The following SCN9A variants were observed in gnomAD, a reference collection of about 807,000 sequenced individuals.
The protein encoded by SCN9A is sodium voltage-gated channel alpha subunit 9, also known as sodium channel protein type 9 subunit alpha.
In SCN9A, 131 loss-of-function variants were observed where a neutral mutation model predicts 187.0. That is an observed-to-expected ratio of 0.70 (90% CI 0.61 to 0.81). The LOEUF (loss-of-function observed/expected upper bound fraction) is 0.81. SCN9A is among the 30% of genes least tolerant of loss of function. The pLI, the probability that SCN9A is intolerant of heterozygous loss-of-function variation, is 0.00. For missense variants in SCN9A, 2,252 were observed against 2,396.6 expected (o/e 0.94, Z 1.26); for synonymous variants, 809 against 808.6 (o/e 1.00, Z -0.01).
Position 166,233,449 on chromosome 2 carries a change from G to T in SCN9A, c.3815C>A (p.Thr1272Asn), listed in dbSNP as rs1343193001. 1 of 1,569,110 alleles carries T rather than the reference G, an allele frequency of 6.4e-7. No homozygotes were observed. The highest frequency in any genetic ancestry group is 8.6e-7 in the Non-Finnish European group (1 of 1,166,094). ...DFLIVDVSLV[T>N]LVANTLGYSD... ...GTAGCCAAGAGTGTTTGCCACTAAA[G>T]TAACCAAAGAAACCTATAAAAATAA... The change falls in exon 21 of 27, where the codon ACT becomes AAT. Residue 1272 changes from threonine (T) to asparagine (N), a missense_variant. By Grantham distance (65) the Thr-to-Asn change is moderately conservative. Around this residue, in one of 7 missense-constraint regions of SCN9A, gnomAD observed 368 missense variants for 408.6 expected, o/e 0.90. Coordinates refer to ENST00000642356, the MANE Select transcript of SCN9A (RefSeq NM_001365536.1).
intron 1 of SCN9A, among the ~76,000 whole-genome samples, chr2:166,340,552 TTCTTTCTTTCTTTC>T (rs1699747656): frequency 1.4e-5 from 1 of 71,472 alleles, no homozygotes. Context: ...CTTTCTTTCT[TTCTTTCTTTCTTTC>T]TTTCTTTCTT....
At chr2:166,244,544 G>T (rs1472440631) in intron 18 of SCN9A, among the ~76,000 whole-genome samples, 1 of 151,898 alleles carries the variant, frequency 6.6e-6, no homozygotes, top group East Asian at 1.9e-4. Flanking sequence ...TATTTTATTT[G>T]TCTATTCCGT....
rs143975107 is a variant in SCN9A at position 166,239,773 on chromosome 2, A to G, written c.3628-1506T>C. 3.3e-5 allele frequency among the ~76,000 whole-genome samples: 5 copies of G among 152,288 alleles called. No individual in the cohort carries two copies. In the East Asian group the frequency reaches 9.6e-4, roughly 29 times the overall value. On this transcript the variant is annotated intron_variant, in intron 19 of 26. Coordinates refer to ENST00000642356, the MANE Select transcript of SCN9A (RefSeq NM_001365536.1). ...CACAAGGAAAACGAAGCCTGTTTCT[A>G]GAACTGGTGTACAGGGTCAGAGCAG...
At chr2:166,302,164 G>T (rs898046039) in intron 7 of SCN9A, 2 of 150,016 alleles carry the variant, frequency 1.3e-5, no homozygotes, top group African/African-American at 5.1e-5. Context: ...ACCACACCTG[G>T]GTCAAATTAT....
At chr2:166,270,851 G>A (rs1696949647) in intron 17 of SCN9A, among the ~76,000 whole-genome samples, 1 of 151,594 alleles carries the variant, frequency 6.6e-6, no homozygotes, top group African/African-American at 2.4e-5. Context: ...TGGAGTCTTA[G>A]TAAGTTAAGG....
rs745895179 is a variant in SCN9A at position 166,272,676 on chromosome 2, C to A, written c.3074G>T (p.Arg1025Ile). 5 of 1,609,668 alleles carry A rather than the reference C, an allele frequency of 3.1e-6. No individual in the cohort carries two copies. In the East Asian group the frequency reaches 1.1e-4, roughly 36 times the overall value. The stretch of plus-strand genomic sequence containing the variant: ...CTTAGTATTCAGATCTTCTGCTTGT[C>A]TTATCTCCCTGGAAATCTTTGGCTT... ...SKKPKISREI[R>I]QAEDLNTKKE... Residue 1025 changes from arginine (R) to isoleucine (I), a missense_variant, in exon 17 of 27, where the codon AGA becomes ATA. Around this residue, in one of 7 missense-constraint regions of SCN9A, gnomAD observed 313 missense variants for 295.3 expected, o/e 1.06. Coordinates refer to ENST00000642356, the MANE Select transcript of SCN9A (RefSeq NM_001365536.1).
At chr2:166,373,544 A>C (rs1700615209) in intron 1 of SCN9A, among the ~76,000 whole-genome samples, 1 of 152,162 alleles carries the variant, frequency 6.6e-6, no homozygotes, top group Non-Finnish European at 1.5e-5. Context: ...GTATGATGAA[A>C]TAGAAATAAG....
intron 1 of SCN9A, among the ~76,000 whole-genome samples, chr2:166,373,251 G>A (rs116547537): frequency 5.0e-4 from 76 of 151,686 alleles, no homozygotes; most frequent in African/African-American, 1.7e-3. Context: ...GGCATTTACT[G>A]TTGTTGCTAA....
At position 166,306,508 on chromosome 2, in the gene SCN9A, A is replaced by G; in HGVS notation, c.467+2T>C. 1 of 1,495,226 alleles carries G rather than the reference A, an allele frequency of 6.7e-7. No individual in the cohort carries two copies. The highest frequency in any genetic ancestry group is 9.2e-7 in the Non-Finnish European group (1 of 1,088,558). 92.6% of individuals were successfully genotyped at this position (1,495,226 alleles called of 1,614,324 possible). On this transcript the variant is annotated splice_donor_variant, in intron 4 of 26. Transcript: ENST00000642356. LOFTEE classifies it high-confidence loss of function. The stretch of plus-strand genomic sequence containing the variant: ...TATTAAAATGTACTTATACCCACTT[A>G]CTCGACATTTTTGGTCCAGTCCGGT...
chr2:166,287,731 T>G (rs772295259), intron 10 of SCN9A, among the ~76,000 whole-genome samples: 4 of 151,984 alleles, frequency 2.6e-5, no homozygotes, highest in Admixed American at 6.6e-5. Context: ...AGGAGGAAAC[T>G]TTCGAGAATC....
chr2:166,340,613 T>TTTCC (rs1699760754), intron 1 of SCN9A, among the ~76,000 whole-genome samples: 1 of 61,502 alleles, frequency 1.6e-5, no homozygotes, highest in East Asian at 4.3e-4. Flanking sequence ...TTTTTCTTTC[T>TTTCC]TTCTTTCCTT....
At chr2:166,293,025 G>A (rs767307708) in intron 9 of SCN9A, among the ~76,000 whole-genome samples, 55 of 152,128 alleles carry the variant, frequency 3.6e-4, no homozygotes, top group Non-Finnish European at 7.1e-4. Flanking sequence ...GATTAAATAT[G>A]CCCAGAAAAG....
intron 10 of SCN9A, among the ~76,000 whole-genome samples, chr2:166,288,112 T>TAC (rs1279631698): frequency 8.8e-6 from 1 of 113,972 alleles, no homozygotes; most frequent in African/African-American, 3.9e-5. Context: ...TATATATATA[T>TAC]ATATATATAC....
chr2:166,218,961 A>G (rs1413898061), intron 24 of SCN9A, among the ~76,000 whole-genome samples: 2 of 152,238 alleles, frequency 1.3e-5, no homozygotes, highest in Non-Finnish European at 2.9e-5. Flanking sequence ...AAGCATATGA[A>G]AAAAAGCTCA....
rs145027568 is a variant in SCN9A, at chr2:166,281,825, T to A, written c.1975-17A>T. On this transcript the variant is annotated splice_polypyrimidine_tract_variant and intron_variant, in intron 12 of 26. Coordinates refer to ENST00000642356, the MANE Select transcript of SCN9A (RefSeq NM_001365536.1). The stretch of plus-strand genomic sequence containing the variant: ...GGTCGTGCCCTAAAAAAAAAATCAA[T>A]TAATGTCTTAAGAACAGAATCCTAA... The A allele has an allele frequency of 1.3e-6, 2 of 1,599,912 alleles. No homozygotes were observed. The highest frequency in any genetic ancestry group is 1.1e-5 in the South Asian group (1 of 88,892).
rs1422196977 is a variant in SCN9A, at chr2:166,195,293, C to A, written c.*3379G>T. 2.0e-5 allele frequency: 3 copies of A among 152,164 alleles called. No homozygotes were observed. Among genetic ancestry groups the A allele is most frequent in the Non-Finnish European group, 4.4e-5 (3 of 68,024 alleles). 9.4% of individuals were successfully genotyped at this position (152,164 alleles called of 1,614,324 possible). On this transcript the variant is annotated 3_prime_UTR_variant, in exon 27 of 27. Transcript: ENST00000642356. ...TTATGGCAAACTCAAACATTTTGAGCATTCATAGATCTATGAAATTTGTAA... is the reference window on the plus strand; with the variant it reads ...TTATGGCAAACTCAAACATTTTGAGAATTCATAGATCTATGAAATTTGTAA...
At chr2:166,357,478 T>C (rs1332580677) in intron 1 of SCN9A, among the ~76,000 whole-genome samples, 2 of 152,062 alleles carry the variant, frequency 1.3e-5, no homozygotes, top group Non-Finnish European at 2.9e-5. Flanking sequence ...CTAAAGGACT[T>C]CAAGAAGACC....
At chr2:166,303,440 G>T in intron 6 of SCN9A, 138 bp from the exon 7 acceptor site, 1 of 646,982 alleles carries the variant, frequency 1.5e-6, no homozygotes, top group Non-Finnish European at 2.6e-6. Flanking sequence ...AGCCTTCTGG[G>T]TTTGCTATTT....
At chr2:166,353,961 C>T (rs1700096687) in intron 1 of SCN9A, among the ~76,000 whole-genome samples, 1 of 152,130 alleles carries the variant, frequency 6.6e-6, no homozygotes. Context: ...AATACTTCTC[C>T]TAACCCAAGC....
Sources: allele counts gnomAD v4.1 joint callset (sites outside exome capture counted in the v4.1 genomes callset), GRCh38; gene constraint gnomAD v4.1.1; regional missense constraint gnomAD v4.1.1; transcripts MANE v1.5; gene names NCBI Gene and HGNC (gene_info 2026-07-23, HGNC 2026-07-21).